The following CLPB variants were observed in gnomAD, a reference collection of about 807,000 sequenced individuals.
CLPB encodes the protein ClpB family mitochondrial disaggregase.
CLPB carries 40 observed loss-of-function variants against 78.4 expected under a neutral mutation model. The ratio of observed to expected loss-of-function variants is 0.51; its 90% CI spans 0.40 to 0.66. The LOEUF is 0.66. Among genes scored for constraint, CLPB ranks in the 30% least tolerant of loss-of-function variants. The probability of loss-of-function intolerance (pLI) is 0.00; values close to 1 mark genes in which losing one functional copy is unlikely to be tolerated. For synonymous variants in CLPB, 333 were observed against 348.0 expected (o/e 0.96, Z 0.48); for missense variants, 780 against 886.9 (o/e 0.88, Z 1.53).
At chr11:72,406,723 T>C (rs891132432) in intron 2 of CLPB, among the ~76,000 whole-genome samples, 1 of 152,196 alleles carries the variant, frequency 6.6e-6, no homozygotes, top group African/African-American at 2.4e-5. Context: ...AGGCACTTTG[T>C]TCATTCATTC....
intron 5 of CLPB, among the ~76,000 whole-genome samples, chr11:72,346,938 G>A (rs1396073316): frequency 1.4e-5 from 2 of 140,470 alleles, no homozygotes; most frequent in African/African-American, 2.7e-5. Context: ...CCGAGATCAC[G>A]ACATTGCACT....
At chr11:72,427,082 T>A (rs1280056647) in intron 2 of CLPB, among the ~76,000 whole-genome samples, 5 of 152,186 alleles carry the variant, frequency 3.3e-5, no homozygotes, top group Non-Finnish European at 5.9e-5. Flanking sequence ...AAGCAGAGGA[T>A]AATGAATACA....
intron 3 of CLPB, among the ~76,000 whole-genome samples, chr11:72,399,690 G>A (rs764762329): frequency 6.6e-6 from 1 of 152,130 alleles, no homozygotes; most frequent in Non-Finnish European, 1.5e-5. Context: ...TCTCTCTCTT[G>A]AGCTTGTGGC....
chr11:72,349,205 G>C (rs1052822789), intron 5 of CLPB, among the ~76,000 whole-genome samples: 3 of 152,202 alleles, frequency 2.0e-5, no homozygotes, highest in South Asian at 2.1e-4. Flanking sequence ...CTCAGTACGG[G>C]GGAAGGGCTT....
chr11:72,415,219 A>G (rs2135122225), intron 2 of CLPB, among the ~76,000 whole-genome samples: 1 of 152,276 alleles, frequency 6.6e-6, no homozygotes, highest in South Asian at 2.1e-4. Context: ...CGTCTCAAAA[A>G]AAAAGAAAAA....
chr11:72,317,521 A>G (rs904649001), intron 6 of CLPB, among the ~76,000 whole-genome samples: 2 of 152,362 alleles, frequency 1.3e-5, no homozygotes, highest in African/African-American at 4.8e-5. Flanking sequence ...AGATGTGCTT[A>G]TCACCTGGAG....
chr11:72,430,280 T>C (rs1348968119), intron 2 of CLPB, 32 bp downstream of exon 2: 10 of 1,606,148 alleles, frequency 6.2e-6, no homozygotes, highest in Non-Finnish European at 8.5e-6. Context: ...GCCTCTCCTG[T>C]AGGGGAGAGC....
intron 1 of CLPB, among the ~76,000 whole-genome samples, chr11:72,431,526 T>C (rs1856545378): frequency 6.6e-6 from 1 of 152,210 alleles, no homozygotes; most frequent in Non-Finnish European, 1.5e-5. Context: ...TTATCATGCA[T>C]ATGAAAGCCA....
rs1418498199 is a variant in CLPB, at chr11:72,403,030, C to T, written c.478G>A (p.Val160Ile). Reference protein sequence around the residue: ...VSRLLSEGADVNAKHRLGWTA... With the variant: ...VSRLLSEGADINAKHRLGWTA... The stretch of plus-strand genomic sequence containing the variant: ...CAGCCAAGTCTGTGCTTTGCATTGA[C>T]ATCTGCACCTTCTGACAACAGCCTA... The change falls in exon 3 of 16, where the codon GTC (valine) becomes ATC (isoleucine). Residue 160 changes from valine (V) to isoleucine (I), a missense_variant. By Grantham distance (29) the Val-to-Ile change is conservative (BLOSUM62 3). Around this residue, in one of 3 missense-constraint regions of CLPB, gnomAD observed 417 missense variants for 414.7 expected, o/e 1.01. Coordinates refer to ENST00000538039, the MANE Select transcript of CLPB (RefSeq NM_001258392.3). 2.5e-6 allele frequency: 4 copies of T among 1,613,394 alleles called. No individual in the cohort carries two copies. The African/African-American group carries it at 5.3e-5, about 22-fold the overall frequency.
intron 3 of CLPB, among the ~76,000 whole-genome samples, 187 bp downstream of exon 3, chr11:72,402,779 C>CTACA: frequency 6.6e-6 from 1 of 152,348 alleles, no homozygotes; most frequent in East Asian, 1.9e-4. Context: ...GGATTCAAGG[C>CTACA]TACATCTTTC....
Position 72,294,386 on chromosome 11 carries a change from G to A in CLPB, c.1619C>T (p.Pro540Leu), listed in dbSNP as rs765975867. 6.2e-6 allele frequency: 10 copies of A among 1,614,250 alleles called. No individual in the cohort carries two copies. The highest frequency in any genetic ancestry group is 8.5e-6 in the Non-Finnish European group (10 of 1,180,050). The stretch of plus-strand genomic sequence containing the variant: ...TTGGATGAGCTCCGAGTGGCAGAAG[G>A]GGAGGAAGTAGACGATCTCATTGAT... ...GRINEIVYFLPFCHSELIQLV... is the reference protein window; with the variant it reads ...GRINEIVYFLLFCHSELIQLV... Residue 540 changes from proline to leucine, a missense_variant, in exon 14 of 16, where the codon CCC (proline) becomes CTC (leucine). Pro to Leu is a moderately conservative substitution (Grantham distance 98, BLOSUM62 -3). Transcript: ENST00000538039.
At chr11:72,388,247 C>T (rs61893857) in intron 3 of CLPB, among the ~76,000 whole-genome samples, 3 of 147,976 alleles carry the variant, frequency 2.0e-5, no homozygotes, top group Non-Finnish European at 2.9e-5. Context: ...AGATTCCCTT[C>T]CCCTTTTTTT....
intron 2 of CLPB, among the ~76,000 whole-genome samples, chr11:72,412,486 G>C (rs555499803): frequency 1.3e-5 from 2 of 152,326 alleles, no homozygotes; most frequent in South Asian, 4.1e-4. Context: ...AGAATGATCT[G>C]CAGAGATTAA....
intron 2 of CLPB, chr11:72,408,175 C>A: frequency 6.5e-7 from 1 of 1,535,630 alleles, no homozygotes; most frequent in Non-Finnish European, 8.7e-7. Flanking sequence ...AGCTTCTTGA[C>A]TGAGCATCAT....
intron 7 of CLPB, among the ~76,000 whole-genome samples, chr11:72,313,082 G>T (rs186626399): frequency 6.6e-6 from 1 of 152,198 alleles, no homozygotes; most frequent in Admixed American, 6.5e-5. Flanking sequence ...TGGGTGGGCT[G>T]ACTTACCTTT....
intron 5 of CLPB, among the ~76,000 whole-genome samples, chr11:72,343,995 C>T (rs1240970149): frequency 1.3e-5 from 2 of 152,218 alleles, no homozygotes; most frequent in African/African-American, 4.8e-5. Context: ...CAGGAGAGGC[C>T]TCCTATGGTC....
rs191070393 is a variant in CLPB, at chr11:72,344,799, T to C, written c.775+14081A>G. Among the ~76,000 whole-genome samples, 674 of 152,276 alleles carry C rather than the reference T, an allele frequency of 4.4e-3. 7 individuals carry two copies. The highest frequency in any genetic ancestry group is 0.015 in the African/African-American group (642 of 41,566). On this transcript the variant is annotated intron_variant, in intron 5 of 15. Transcript: ENST00000538039. ...ATATATCACAGATAAAGGGCTAATA[T>C]TCTTAACATAAACAGAAATTTTAAA...
At chr11:72,419,139 A>G (rs1378738253) in intron 2 of CLPB, among the ~76,000 whole-genome samples, 2 of 152,216 alleles carry the variant, frequency 1.3e-5, no homozygotes, top group African/African-American at 4.8e-5. Context: ...ATTGTTTTCA[A>G]TATTCTTAGA....
At chr11:72,333,252 T>G (rs1950260651) in intron 5 of CLPB, among the ~76,000 whole-genome samples, 1 of 152,196 alleles carries the variant, frequency 6.6e-6, no homozygotes, top group African/African-American at 2.4e-5. Flanking sequence ...CAGGACAAAG[T>G]GCAACCTCCC....
Sources: gnomAD v4.1 joint callset for allele counts (sites outside exome capture counted in the v4.1 genomes callset) on GRCh38, gnomAD v4.1.1 for gene constraint, gnomAD v4.1.1 regional missense constraint, MANE v1.5 for transcripts, NCBI Gene and HGNC (gene_info 2026-07-23, HGNC 2026-07-21) for gene names.